Variants in PCDHGA2 observed in about 807,000 individuals in gnomAD.
The protein encoded by PCDHGA2 is protocadherin gamma-A2.
PCDHGA2 carries 40 observed loss-of-function variants against 59.2 expected under a neutral mutation model. The ratio of observed to expected loss-of-function variants is 0.68; its 90% CI spans 0.52 to 0.88. The LOEUF is 0.88. Ranked by LOEUF, PCDHGA2 falls within the 40% of genes least tolerant of loss-of-function variation. PCDHGA2 has a pLI of 0.00. For missense variants in PCDHGA2, 1,226 were observed against 1,204.0 expected, an observed-to-expected ratio of 1.02 and a Z score of -0.27; for synonymous variants, 560 against 526.0, an observed-to-expected ratio of 1.06 and a Z score of -0.89.
intron 1 of PCDHGA2, chr5:141,364,531 C>T (rs1763385231): frequency 1.2e-6 from 2 of 1,613,976 alleles, no homozygotes; most frequent in African/African-American, 2.7e-5. Flanking sequence ...TCCGCATCGT[C>T]TCCAGAGGTA....
intron 1 of PCDHGA2, chr5:141,376,676 G>GGTTTTTTTTT (rs1773026765): frequency 3.6e-6 from 1 of 275,812 alleles, no homozygotes; most frequent in Middle Eastern, 1.2e-3. Context: ...TGAGGGTATC[G>GGTTTTTTTTT]TTTTTTTTTT....
intron 1 of PCDHGA2, chr5:141,371,396 GAT>G (rs1767721375): frequency 6.2e-7 from 1 of 1,613,880 alleles, no homozygotes; most frequent in Non-Finnish European, 8.5e-7. Context: ...GTAAAGTACA[GAT>G]AGATATTTCA....
intron 1 of PCDHGA2, chr5:141,409,656 G>A: frequency 6.2e-7 from 1 of 1,613,618 alleles, no homozygotes; most frequent in South Asian, 1.1e-5. Context: ...GGGCTCAATG[G>A]CCACATCTCC....
At chr5:141,425,717 C>G (rs1207360676) in intron 1 of PCDHGA2, among the ~76,000 whole-genome samples, 1 of 152,188 alleles carries the variant, frequency 6.6e-6, no homozygotes, top group African/African-American at 2.4e-5. Context: ...TTTTCCCATA[C>G]CACTTGATGG....
intron 1 of PCDHGA2, chr5:141,370,131 T>C (rs1459064446): frequency 2.5e-6 from 1 of 401,420 alleles, no homozygotes; most frequent in African/African-American, 2.0e-5. Context: ...TATTTGGAGC[T>C]GATTTAGTCA....
chr5:141,370,836 A>G, intron 1 of PCDHGA2: 1 of 1,614,018 alleles, frequency 6.2e-7, no homozygotes, highest in Non-Finnish European at 8.5e-7. Context: ...ACTGGCTCTC[A>G]CTGGAGCCAC....
chr5:141,423,672 T>A, intron 1 of PCDHGA2: 2 of 1,549,982 alleles, frequency 1.3e-6, no homozygotes, highest in Non-Finnish European at 1.7e-6. Context: ...TGAGATTTAT[T>A]TCTCTGCCTC....
At position 141,429,387 on chromosome 5, in the gene PCDHGA2, TAAAAA is replaced by T. The variant is rs11410533; in HGVS notation, c.2425-65416_2425-65412del. On this transcript the variant is annotated intron_variant, in intron 1 of 3. Transcript: ENST00000394576. ...AAATGGAGAAAATGTGTTTTTTTTT[TAAAAA>T]AAATTGAGATTAAGGTCTCATTATG... 8.8e-4 allele frequency among the ~76,000 whole-genome samples: 134 copies of T among 151,448 alleles called. 1 individual carries two copies. Among genetic ancestry groups the T allele is most frequent in the Non-Finnish European group, 1.5e-3 (103 of 67,818 alleles).
chr5:141,346,170 G>C, intron 1 of PCDHGA2: 1 of 1,614,062 alleles, frequency 6.2e-7, no homozygotes, highest in Non-Finnish European at 8.5e-7. Context: ...CGTGCTGCTG[G>C]CGCTCAGGCT....
At chr5:141,398,612 T>G in intron 1 of PCDHGA2, 1 of 1,614,024 alleles carries the variant, frequency 6.2e-7, no homozygotes, top group Non-Finnish European at 8.5e-7. Flanking sequence ...GATGCAGATA[T>G]TGGCTTAAAC....
intron 1 of PCDHGA2, chr5:141,428,158 G>A: frequency 6.3e-7 from 1 of 1,577,728 alleles, no homozygotes; most frequent in Non-Finnish European, 8.7e-7. Context: ...GGAACCTGCT[G>A]GTTGCTGTGC....
At chr5:141,509,782 C>A (rs2099878218) in intron 3 of PCDHGA2, among the ~76,000 whole-genome samples, 1 of 152,144 alleles carries the variant, frequency 6.6e-6, no homozygotes, top group Admixed American at 6.5e-5. Context: ...TCCCCGAGAT[C>A]ATCATCTCCT....
chr5:141,423,246 G>A, intron 1 of PCDHGA2: 15 of 1,613,922 alleles, frequency 9.3e-6, no homozygotes, highest in Non-Finnish European at 1.3e-5. Context: ...CCGAAGTCCT[G>A]GCGGACCTCG....
At chr5:141,365,648 T>C in intron 1 of PCDHGA2, 1 of 1,613,486 alleles carries the variant, frequency 6.2e-7, no homozygotes, top group East Asian at 2.2e-5. Context: ...CCACATCCCC[T>C]TGAAAGTAGC....
chr5:141,422,568 C>T (rs372115955), intron 1 of PCDHGA2: 91 of 1,613,904 alleles, frequency 5.6e-5, no homozygotes, highest in Non-Finnish European at 7.5e-5. Flanking sequence ...CAGATGACAA[C>T]GATAACCCTC....
chr5:141,394,997 C>T lies in PCDHGA2; in HGVS notation c.2424+53602C>T, dbSNP rs771459458. On this transcript the variant is annotated intron_variant, in intron 1 of 3. Coordinates refer to ENST00000394576, the MANE Select transcript of PCDHGA2 (RefSeq NM_018915.4). ...ACAAGTCACGCCTGCTCCAGGATTC[C>T]GGTGGCAGATTGGTAGGCGTGCCTG... 3.4e-5 allele frequency: 55 copies of T among 1,613,898 alleles called. No individual in the cohort carries two copies. In the East Asian group the frequency reaches 1.1e-3, roughly 32 times the overall value.
At chr5:141,400,052 T>C in intron 1 of PCDHGA2, 1 of 1,613,686 alleles carries the variant, frequency 6.2e-7, no homozygotes, top group Non-Finnish European at 8.5e-7. Context: ...CTGGTTGCTG[T>C]GCGTGATGGT....
intron 1 of PCDHGA2, among the ~76,000 whole-genome samples, chr5:141,382,275 G>A (rs192196334): frequency 6.6e-6 from 1 of 152,264 alleles, no homozygotes; most frequent in African/African-American, 2.4e-5. Context: ...GAACATATGT[G>A]TTCAATTAAT....
Position 141,491,279 on chromosome 5 carries a change from T to G in PCDHGA2, c.2425-3528T>G. 1 of 1,614,110 alleles carries G rather than the reference T, an allele frequency of 6.2e-7. No individual in the cohort carries two copies. The highest frequency in any genetic ancestry group is 2.2e-5 in the East Asian group (1 of 44,878). ...GAGGAAATGCCCAAATCCAGTGACT[T>G]CCTCATACACCCTCCTGAGCGTTCA... On this transcript the variant is annotated intron_variant, in intron 1 of 3. Transcript: ENST00000394576. The surrounding 1 kb of genome is among the most constrained non-coding windows in gnomAD (Gnocchi z 6.9).
Sources: gnomAD v4.1 joint callset for allele counts (sites outside exome capture counted in the v4.1 genomes callset) on GRCh38, gnomAD v4.1.1 for gene constraint, Gnocchi (gnomAD v3.1) non-coding constraint, MANE v1.5 for transcripts, NCBI Gene and HGNC (gene_info 2026-07-23, HGNC 2026-07-21) for gene names.